DYNLRB1: variants seen among roughly 807,000 people sequenced by gnomAD.
DYNLRB1 encodes the protein ROBL/LC7-like 1.
DYNLRB1 carries 6 observed loss-of-function variants against 13.5 expected under a neutral mutation model. The observed-to-expected ratio is 0.44, with a 90% confidence interval of 0.24 to 0.88. The LOEUF (loss-of-function observed/expected upper bound fraction) is 0.88, where lower values mean the gene tolerates loss of function less well. Ranked by LOEUF, DYNLRB1 falls within the 40% of genes least tolerant of loss-of-function variation. The pLI is 0.21. For missense variants in DYNLRB1, 93 were observed against 127.2 expected (o/e 0.73, Z 1.29); for synonymous variants, 43 against 45.0 (o/e 0.96, Z 0.18).
intron 1 of DYNLRB1, among the ~76,000 whole-genome samples, chr20:34,523,250 TAGGAGGCTTCCGCA>T (rs1979908560): frequency 6.6e-6 from 1 of 152,098 alleles, no homozygotes; most frequent in Non-Finnish European, 1.5e-5. Context: ...AGGGCAGGGG[TAGGAGGCTTCCGCA>T]GGCTGTGTTC....
chr20:34,533,352 A>G (rs746243048), intron 2 of DYNLRB1, among the ~76,000 whole-genome samples: 2 of 152,194 alleles, frequency 1.3e-5, no homozygotes, highest in Non-Finnish European at 2.9e-5. Context: ...CTGTTTACAA[A>G]GGGTCAACAT....
At chr20:34,538,548 A>G (rs1210822004) in intron 3 of DYNLRB1, among the ~76,000 whole-genome samples, 1 of 152,190 alleles carries the variant, frequency 6.6e-6, no homozygotes, top group African/African-American at 2.4e-5. Context: ...TACCTCTCAC[A>G]AAGCACCTGA....
At chr20:34,528,998 A>G (rs555498010) in intron 2 of DYNLRB1, among the ~76,000 whole-genome samples, 6 of 151,780 alleles carry the variant, frequency 4.0e-5, no homozygotes, top group Admixed American at 6.6e-5. Flanking sequence ...AAAAAAAAAC[A>G]AAAAGTAACA....
At chr20:34,530,582 G>A (rs1476964384) in intron 2 of DYNLRB1, 2 of 152,800 alleles carry the variant, frequency 1.3e-5, no homozygotes, top group African/African-American at 4.8e-5. Context: ...GGTTTGCCCA[G>A]TTTGCAGATG....
rs148639123 is a variant in DYNLRB1 at position 34,517,831 on chromosome 20, T to C, written c.3+1370T>C. On this transcript the variant is annotated intron_variant, in intron 1 of 3. Coordinates refer to ENST00000357156, the MANE Select transcript of DYNLRB1 (RefSeq NM_014183.4). Reference sequence around the variant, plus strand: ...TTTTAGTAGAGACGGGGTTTCACCGTGTTAGTCCGCCTCAACACGGTGGTC... The same window carrying C: ...TTTTAGTAGAGACGGGGTTTCACCGCGTTAGTCCGCCTCAACACGGTGGTC... 7.2e-5 allele frequency among the ~76,000 whole-genome samples: 11 copies of C among 152,046 alleles called. No individual in the cohort carries two copies. The East Asian group carries it at 2.1e-3, about 29-fold the overall frequency.
At chr20:34,516,859 T>G (rs1416053823) in intron 1 of DYNLRB1, 45 of 1,535,608 alleles carry the variant, frequency 2.9e-5, no homozygotes, top group Non-Finnish European at 1.8e-6. Flanking sequence ...TTCCTCCGCC[T>G]CCTCCCAGCT....
At chr20:34,527,775 G>A (rs1467584092) in intron 2 of DYNLRB1, among the ~76,000 whole-genome samples, 3 of 152,198 alleles carry the variant, frequency 2.0e-5, no homozygotes, top group Admixed American at 2.0e-4. Context: ...GAGAGCCACA[G>A]GCCTAAGATT....
chr20:34,530,700 A>G (rs561996956), intron 2 of DYNLRB1: 2 of 152,348 alleles, frequency 1.3e-5, no homozygotes, highest in South Asian at 4.1e-4. Context: ...CCACTGATCC[A>G]TGGGGCCTTT....
At chr20:34,524,246 A>AT (rs1221476956) in intron 1 of DYNLRB1, among the ~76,000 whole-genome samples, 2 of 152,256 alleles carry the variant, frequency 1.3e-5, no homozygotes, top group East Asian at 3.9e-4. Context: ...TTTTGTTTTC[A>AT]TGTGATTGCA....
chr20:34,539,973 G>A (rs542183680), intron 3 of DYNLRB1, among the ~76,000 whole-genome samples: 22 of 151,996 alleles, frequency 1.4e-4, no homozygotes, highest in African/African-American at 5.3e-4. Context: ...CTGTCTCGCG[G>A]AGGGGAAAAA....
chr20:34,521,020 T>G (rs1979661432), intron 1 of DYNLRB1, among the ~76,000 whole-genome samples: 1 of 152,102 alleles, frequency 6.6e-6, no homozygotes, highest in South Asian at 2.1e-4. Flanking sequence ...AATTTTTCAT[T>G]TCTGTCTTTT....
At chr20:34,520,742 C>G (rs1382001907) in intron 1 of DYNLRB1, among the ~76,000 whole-genome samples, 1 of 152,146 alleles carries the variant, frequency 6.6e-6, no homozygotes, top group African/African-American at 2.4e-5. Context: ...AGCCACCATA[C>G]CTGGCTGCTT....
chr20:34,534,274 C>T (rs774598605), intron 2 of DYNLRB1, among the ~76,000 whole-genome samples: 4 of 152,202 alleles, frequency 2.6e-5, no homozygotes, highest in Non-Finnish European at 4.4e-5. Flanking sequence ...GAGCTAGTCT[C>T]TCCTTTTACT....
At chr20:34,526,370 GCA>G (rs759108121) in intron 2 of DYNLRB1, 27 bp downstream of exon 2, 17 of 1,611,328 alleles carry the variant, frequency 1.1e-5, no homozygotes, top group Non-Finnish European at 1.4e-5. Flanking sequence ...GCCATGACCC[GCA>G]CCCAGGCAGG....
chr20:34,523,223 C>G (rs546386669), intron 1 of DYNLRB1, among the ~76,000 whole-genome samples: 4 of 152,118 alleles, frequency 2.6e-5, no homozygotes, highest in Non-Finnish European at 4.4e-5. Context: ...TCCTTCAGAC[C>G]GAGAGCAGCA....
At chr20:34,530,053 T>C in intron 2 of DYNLRB1, 19 of 1,249,226 alleles carry the variant, frequency 1.5e-5, no homozygotes, top group Non-Finnish European at 1.9e-5. Context: ...AGAGAGAAAC[T>C]GTCTTCTGGG....
At chr20:34,522,483 T>G (rs2146619995) in intron 1 of DYNLRB1, among the ~76,000 whole-genome samples, 1 of 140,820 alleles carries the variant, frequency 7.1e-6, no homozygotes, top group Non-Finnish European at 1.5e-5. Context: ...TTTTTTTTTT[T>G]TTTTTTTTGA....
intron 2 of DYNLRB1, chr20:34,529,902 C>T: frequency 1.3e-6 from 2 of 1,515,336 alleles, no homozygotes; most frequent in South Asian, 1.3e-5. Flanking sequence ...GCCCCCTGCT[C>T]AGGGCTGCCC....
chr20:34,518,153 C>G (rs1254098054), intron 1 of DYNLRB1, among the ~76,000 whole-genome samples: 1 of 150,714 alleles, frequency 6.6e-6, no homozygotes, highest in Non-Finnish European at 1.5e-5. Flanking sequence ...TTTTTCGATG[C>G]CTTTGTCGAA....
Sources: allele counts gnomAD v4.1 joint callset (sites outside exome capture counted in the v4.1 genomes callset), GRCh38; gene constraint gnomAD v4.1.1; transcripts MANE v1.5; gene names NCBI Gene and HGNC (gene_info 2026-07-23, HGNC 2026-07-21).